Variants in MLLT10 observed in about 807,000 individuals in gnomAD.
MLLT10 encodes the protein MLLT10 histone lysine methyltransferase DOT1L cofactor, also known as protein AF-10.
In MLLT10, 30 loss-of-function variants were observed where a neutral mutation model predicts 129.1. That is an observed-to-expected ratio of 0.23 (90% CI 0.17 to 0.32). The LOEUF (loss-of-function observed/expected upper bound fraction) is 0.32. MLLT10 is among the 10% of genes least tolerant of loss of function. The probability of loss-of-function intolerance (pLI) is 1.00; values close to 1 mark genes in which losing one functional copy is unlikely to be tolerated. For synonymous variants in MLLT10, 490 were observed against 446.4 expected, an observed-to-expected ratio of 1.10 and a Z score of -1.23; for missense variants, 1,119 against 1,268.3, an observed-to-expected ratio of 0.88 and a Z score of 1.79.
At chr10:21,580,868 ATTTTT>A (rs71393910) in intron 3 of MLLT10, among the ~76,000 whole-genome samples, 10 of 73,294 alleles carry the variant, frequency 1.4e-4, no homozygotes, top group South Asian at 5.4e-4. Context: ...CGCCCAGCTC[ATTTTT>A]TTTTTTTTTT....
intron 13 of MLLT10, among the ~76,000 whole-genome samples, chr10:21,704,351 CTCTCTCTATA>C (rs1443930042): frequency 2.8e-3 from 172 of 62,228 alleles, no homozygotes; most frequent in East Asian, 9.1e-3. Context: ...CTCTCTCTCT[CTCTCTCTATA>C]TATATATATA....
In MLLT10 at chr10:21,742,233, A is replaced by G; in HGVS notation, c.*250A>G. 2.5e-6 allele frequency: 1 copy of G among 400,346 alleles called. No homozygotes were observed. The highest frequency in any genetic ancestry group is 4.3e-5 in the Admixed American group (1 of 23,028). 24.8% of individuals were successfully genotyped at this position (400,346 alleles called of 1,614,324 possible). A position where few individuals can be genotyped will look rare whatever the true frequency, so the allele number is the denominator to read the frequency against. On this transcript the variant is annotated 3_prime_UTR_variant, in exon 23 of 23. Coordinates refer to ENST00000307729, the MANE Select transcript of MLLT10 (RefSeq NM_001195626.3). ...TTGAACATGGAAAGAAAATTTAATA[A>G]CTTTTTAAAGTGACATAATTTACAT...
At chr10:21,645,131 CAG>C (rs1354428795) in intron 8 of MLLT10, among the ~76,000 whole-genome samples, 1 of 152,160 alleles carries the variant, frequency 6.6e-6, no homozygotes, top group Non-Finnish European at 1.5e-5. Flanking sequence ...GTTATATTCT[CAG>C]AATTTTTGGG....
chr10:21,641,734 A>G (rs959272347), intron 8 of MLLT10, among the ~76,000 whole-genome samples: 5 of 152,168 alleles, frequency 3.3e-5, no homozygotes, highest in Non-Finnish European at 7.3e-5. Context: ...ACAAAAGCAA[A>G]CAAGACGTTG....
chr10:21,584,505 G>T (rs2041804143), intron 3 of MLLT10, among the ~76,000 whole-genome samples: 1 of 151,860 alleles, frequency 6.6e-6, no homozygotes, highest in African/African-American at 2.4e-5. Flanking sequence ...GTAGAGATGA[G>T]GTCTCACTTT....
chr10:21,560,588 A>G (rs1237628600), intron 3 of MLLT10, among the ~76,000 whole-genome samples: 1 of 151,426 alleles, frequency 6.6e-6, no homozygotes, highest in African/African-American at 2.4e-5. Flanking sequence ...GGCACGTACT[A>G]CCACCACCAC....
intron 3 of MLLT10, among the ~76,000 whole-genome samples, chr10:21,545,353 G>A (rs1377579253): frequency 6.6e-6 from 1 of 151,818 alleles, no homozygotes; most frequent in African/African-American, 2.4e-5. Flanking sequence ...AAGTACAGTC[G>A]CCACAGAGAC....
rs907860147 is a variant in MLLT10, at chr10:21,742,115, G to T, written c.*132G>T. The T allele has an allele frequency of 2.6e-6, 2 of 758,930 alleles. No homozygotes were observed. The highest frequency in any genetic ancestry group is 2.1e-6 in the Non-Finnish European group (1 of 466,196). 47.0% of individuals were successfully genotyped at this position (758,930 alleles called of 1,614,324 possible). A position where few individuals can be genotyped will look rare whatever the true frequency, so the allele number is the denominator to read the frequency against. On this transcript the variant is annotated 3_prime_UTR_variant, in exon 23 of 23. Transcript: ENST00000307729. ...AATGCACAACAAAGGATTAATTGCT[G>T]CAAGGACATTCTTGTAAGGCTTTGA...
chr10:21,621,238 C>T (rs996247593), intron 8 of MLLT10, among the ~76,000 whole-genome samples: 2 of 147,662 alleles, frequency 1.4e-5, no homozygotes, highest in Non-Finnish European at 3.0e-5. Context: ...TCGTGATCCG[C>T]CCCCCGCTCC....
intron 13 of MLLT10, among the ~76,000 whole-genome samples, chr10:21,697,143 T>C (rs978966473): frequency 6.9e-6 from 1 of 145,038 alleles, no homozygotes; most frequent in South Asian, 2.2e-4. Context: ...TTATTAGGTG[T>C]GTATAGTTAC....
chr10:21,534,812 C>A lies in MLLT10; in HGVS notation c.160+8C>A, dbSNP rs1319700873. ...GCGTCGCGGTGCATCAAGGTAAACA[C>A]CCAACCGCCCGCCGGGGCGCGCCGG... On this transcript the variant is annotated splice_region_variant and intron_variant, in intron 2 of 22. Transcript: ENST00000307729. The A allele has an allele frequency of 6.3e-7, 1 of 1,585,892 alleles. No individual in the cohort carries two copies. Among genetic ancestry groups the A allele is most frequent in the South Asian group, 1.1e-5 (1 of 88,720 alleles).
At position 21,620,866 on chromosome 10, in the gene MLLT10, A is replaced by G. The variant is rs141518801; in HGVS notation, c.699+3659A>G. ...CCACCACGCCTGGCTAATTTTCTGT[A>G]TTTTTAGTAGGGACTAGCTTTGGCC... On this transcript the variant is annotated intron_variant, in intron 8 of 22. Transcript: ENST00000307729. 1.1e-4 allele frequency among the ~76,000 whole-genome samples: 17 copies of G among 151,348 alleles called. No individual in the cohort carries two copies. In the East Asian group the frequency reaches 3.1e-3, roughly 28 times the overall value.
chr10:21,610,766 A>G (rs2044528515), intron 5 of MLLT10, among the ~76,000 whole-genome samples: 1 of 151,606 alleles, frequency 6.6e-6, no homozygotes, highest in Non-Finnish European at 1.5e-5. Context: ...TGCCATATAG[A>G]GTGTTACTGT....
chr10:21,638,166 G>C lies in MLLT10; in HGVS notation c.700-13507G>C, dbSNP rs1185745745. 2.0e-5 allele frequency among the ~76,000 whole-genome samples: 3 copies of C among 147,808 alleles called. No individual in the cohort carries two copies. In the Admixed American group the frequency reaches 2.1e-4, roughly 10 times the overall value. On this transcript the variant is annotated intron_variant, in intron 8 of 22. Coordinates refer to ENST00000307729, the MANE Select transcript of MLLT10 (RefSeq NM_001195626.3). ...GTAAAGATAAGCATATAATACAGGGGATGGCAAACTTTTCCTCTAAAGGAC... is the reference window on the plus strand; with the variant it reads ...GTAAAGATAAGCATATAATACAGGGCATGGCAAACTTTTCCTCTAAAGGAC...
At position 21,565,254 on chromosome 10, in the gene MLLT10, G is replaced by A. The variant is rs147599124; in HGVS notation, c.241-21040G>A. Among the ~76,000 whole-genome samples, 10 of 151,608 alleles carry A rather than the reference G, an allele frequency of 6.6e-5. No individual in the cohort carries two copies. In the East Asian group the frequency reaches 1.9e-3, roughly 29 times the overall value. On this transcript the variant is annotated intron_variant, in intron 3 of 22. Coordinates refer to ENST00000307729, the MANE Select transcript of MLLT10 (RefSeq NM_001195626.3). ...TTTAATTTTTTTTTGCTTTCAACGT[G>A]CTTATTTGAAGTAAATTTCTTGTAC...
intron 11 of MLLT10, among the ~76,000 whole-genome samples, chr10:21,677,672 A>G (rs564448247): frequency 6.6e-6 from 1 of 152,364 alleles, no homozygotes; most frequent in South Asian, 2.1e-4. Context: ...TTTTCTATAC[A>G]AGGGTGTTGA....
chr10:21,609,863 AGT>A (rs1188962630), intron 5 of MLLT10, among the ~76,000 whole-genome samples: 1 of 152,006 alleles, frequency 6.6e-6, no homozygotes, highest in Non-Finnish European at 1.5e-5. Flanking sequence ...TGCAGAGTAC[AGT>A]GTGATGTTTT....
At chr10:21,640,938 C>G (rs2047940311) in intron 8 of MLLT10, among the ~76,000 whole-genome samples, 1 of 152,180 alleles carries the variant, frequency 6.6e-6, no homozygotes, top group African/African-American at 2.4e-5. Context: ...TTGTGACTGC[C>G]TTCTTTAAAA....
chr10:21,637,648 G>A (rs1475107310), intron 8 of MLLT10, among the ~76,000 whole-genome samples: 1 of 152,174 alleles, frequency 6.6e-6, no homozygotes, highest in Non-Finnish European at 1.5e-5. Context: ...CCTATTTGTG[G>A]CAAGTGGCAA....
Sources: gnomAD v4.1 joint callset for allele counts (sites outside exome capture counted in the v4.1 genomes callset) on GRCh38, gnomAD v4.1.1 for gene constraint, MANE v1.5 for transcripts, NCBI Gene and HGNC (gene_info 2026-07-23, HGNC 2026-07-21) for gene names.